Variants in PITPNM2 observed in about 807,000 individuals in gnomAD.
PITPNM2 encodes the protein membrane-associated phosphatidylinositol transfer protein 2.
Under a neutral mutation model 132.2 loss-of-function variants are expected in PITPNM2, and 35 were observed. The ratio of observed to expected loss-of-function variants is 0.26; its 90% confidence interval spans 0.20 to 0.35. The LOEUF (loss-of-function observed/expected upper bound fraction) is 0.35, where lower values mean the gene tolerates loss of function less well. Among genes scored for constraint, PITPNM2 ranks in the 10% least tolerant of loss-of-function variants. The probability of loss-of-function intolerance (pLI) is 1.00; values close to 1 mark genes in which losing one functional copy is unlikely to be tolerated. For missense variants in PITPNM2, 1,332 were observed against 1,912.0 expected, an observed-to-expected ratio of 0.70 and a Z score of 5.66; for synonymous variants, 738 against 799.2, an observed-to-expected ratio of 0.92 and a Z score of 1.29.
At chr12:123,059,682 A>G (rs2041169122) in intron 2 of PITPNM2, among the ~76,000 whole-genome samples, 1 of 152,222 alleles carries the variant, frequency 6.6e-6, no homozygotes, top group Non-Finnish European at 1.5e-5. Flanking sequence ...CTTGTAGCAC[A>G]GCAGGGACAA....
At position 122,996,754 on chromosome 12, in the gene PITPNM2, G is replaced by C; in HGVS notation, c.1629C>G (p.Ile543Met). ...QRANLAYGDFIKSQEGMTFNG... is the reference protein window; with the variant it reads ...QRANLAYGDFMKSQEGMTFNG... ...TGAAGGTCATGCCCTCCTGGGACTT[G>C]ATGAAGTCCCCATAGGCAAGGTTGG... The change falls in exon 12 of 26, where the codon ATC becomes ATG. Residue 543 changes from isoleucine (I) to methionine (M), a missense_variant. Coordinates refer to ENST00000320201, the MANE Select transcript of PITPNM2 (RefSeq NM_020845.3). The C allele has an allele frequency of 1.2e-6, 2 of 1,612,220 alleles. No individual in the cohort carries two copies. The highest frequency in any genetic ancestry group is 1.7e-6 in the Non-Finnish European group (2 of 1,179,544).
chr12:123,070,355 G>A (rs940070812), intron 2 of PITPNM2, among the ~76,000 whole-genome samples: 1 of 152,178 alleles, frequency 6.6e-6, no homozygotes. Context: ...ATAGTGAAGG[G>A]GTTTGAGCTG....
chr12:122,985,968 G>C lies in PITPNM2; in HGVS notation c.*59C>G. 7.5e-7 allele frequency: 1 copy of C among 1,337,602 alleles called. No homozygotes were observed. Among genetic ancestry groups the C allele is most frequent in the East Asian group, 3.1e-5 (1 of 32,126 alleles). The allele number at this position is 1,337,602 out of a possible 1,614,324, so 82.9% of individuals were successfully genotyped here. ...TGCGTGTGCCCAGGCCAGGCCTCCT[G>C]GCGGGGCTGGCCACCCTGGCCTAGC... On this transcript the variant is annotated 3_prime_UTR_variant, in exon 26 of 26. Transcript: ENST00000320201.
At chr12:123,007,803 T>C (rs532342393) in intron 6 of PITPNM2, among the ~76,000 whole-genome samples, 332 of 152,206 alleles carry the variant, frequency 2.2e-3, no homozygotes, top group African/African-American at 7.7e-3. Context: ...CCGGAAGGGC[T>C]GGGACATGCA....
At chr12:123,141,816 C>A (rs2043512755) in intron 1 of PITPNM2, among the ~76,000 whole-genome samples, 1 of 152,158 alleles carries the variant, frequency 6.6e-6, no homozygotes, top group African/African-American at 2.4e-5. Context: ...ACACCCCACA[C>A]CCAGCCCTGT....
At position 123,077,823 on chromosome 12, in the gene PITPNM2, TG is replaced by T. The variant is rs941522720; in HGVS notation, c.-96+32561del. 9.9e-5 allele frequency among the ~76,000 whole-genome samples: 15 copies of T among 151,418 alleles called. No homozygotes were observed. The South Asian group carries it at 2.7e-3, about 28-fold the overall frequency. On this transcript the variant is annotated intron_variant, in intron 2 of 25. Transcript: ENST00000320201. The surrounding 1 kb of genome is among the most constrained non-coding windows in gnomAD (Gnocchi z 4.8). ...TAGGAAGCCAATGTGAGGGAAGGGG[TG>T]GGGGGACAAAGTATCAGAGCCAGGA...
rs117223325 is a variant in PITPNM2 at position 123,108,748 on chromosome 12, G to A, written c.-96+1637C>T. On this transcript the variant is annotated intron_variant, in intron 2 of 25. Transcript: ENST00000320201. The surrounding 1 kb of genome is among the most constrained non-coding windows in gnomAD (Gnocchi z 4.4). ...GCAATTAGAGAAGATAACAGTCCAC[G>A]GTGCCAGCCTGGAACTACGGAGCCA... 2.4e-4 allele frequency among the ~76,000 whole-genome samples: 37 copies of A among 152,262 alleles called. No individual in the cohort carries two copies. The highest frequency in any genetic ancestry group is 4.3e-4 in the Non-Finnish European group (29 of 68,014).
chr12:123,054,940 T>C (rs1231080822), intron 2 of PITPNM2, among the ~76,000 whole-genome samples: 1 of 152,090 alleles, frequency 6.6e-6, no homozygotes, highest in African/African-American at 2.4e-5. Context: ...GGGATACGCT[T>C]GTAGTTCCAG....
rs1210211293 is a variant in PITPNM2, at chr12:123,012,830, G to A, written c.294-96C>T. 41 of 1,511,152 alleles carry A rather than the reference G, an allele frequency of 2.7e-5. 2 individuals are homozygous for A. In the South Asian group the frequency reaches 4.8e-4, roughly 18 times the overall value. The allele number at this position is 1,511,152 out of a possible 1,614,324, so 93.6% of individuals were successfully genotyped here. A position where few individuals can be genotyped will look rare whatever the true frequency, so the allele number is the denominator to read the frequency against. On this transcript the variant is annotated intron_variant, in intron 4 of 25. Coordinates refer to ENST00000320201, the MANE Select transcript of PITPNM2 (RefSeq NM_020845.3). ...GACCCACTGGGTAGGAGTGGAGCTG[G>A]TGAGCGGGCATGGAAGGAGGGTGGA...
chr12:123,004,685 CCT>C lies in PITPNM2; in HGVS notation c.953-198_953-197del. 6.4e-6 allele frequency: 4 copies of C among 620,622 alleles called. No homozygotes were observed. In the South Asian group the frequency reaches 7.3e-5, roughly 11 times the overall value. 38.4% of individuals were successfully genotyped at this position (620,622 alleles called of 1,614,324 possible). ...GCGGCCTAGGCTCATCTCCTGTCCG[CCT>C]GGCACAAGGCAGTCATGTCCCGGGG... On this transcript the variant is annotated intron_variant, in intron 7 of 25. Coordinates refer to ENST00000320201, the MANE Select transcript of PITPNM2 (RefSeq NM_020845.3). This position sits in a 1 kb window ranked among gnomAD's most constrained non-coding sequence, Gnocchi z 4.9.
rs2042381842 is a variant in PITPNM2 at position 123,095,479 on chromosome 12, T to C, written c.-96+14906A>G. Among the ~76,000 whole-genome samples, 1 of 152,190 alleles carries C rather than the reference T, an allele frequency of 6.6e-6. No homozygotes were observed. The highest frequency in any genetic ancestry group is 2.1e-4 in the South Asian group (1 of 4,830). ...CTTTCAGGTACTCAACAAAGCAAGA[T>C]GTCGTGATGTTGCCACCAGCCTGCC... On this transcript the variant is annotated intron_variant, in intron 2 of 25. Coordinates refer to ENST00000320201, the MANE Select transcript of PITPNM2 (RefSeq NM_020845.3). This position sits in a 1 kb window ranked among gnomAD's most constrained non-coding sequence, Gnocchi z 5.0.
At chr12:122,987,034 C>T (rs1438045928) in intron 23 of PITPNM2, among the ~76,000 whole-genome samples, 1 of 152,266 alleles carries the variant, frequency 6.6e-6, no homozygotes, top group Non-Finnish European at 1.5e-5. Flanking sequence ...CTGCTGTGTC[C>T]CTGGCTTACC....
chr12:123,022,362 G>A lies in PITPNM2; in HGVS notation c.79-8320C>T, dbSNP rs764920810. ...CAAGACCGCTCGGAAGACCCACAGA[G>A]CATCAGACACCAGCGCTCCTCGTGC... is the stretch of plus-strand genomic sequence containing the variant. On this transcript the variant is annotated intron_variant, in intron 3 of 25. Transcript: ENST00000320201. The surrounding 1 kb of genome is among the most constrained non-coding windows in gnomAD (Gnocchi z 4.9). Among the ~76,000 whole-genome samples the A allele has an allele frequency of 9.2e-5, 14 of 152,242 alleles. No homozygotes were observed. Among genetic ancestry groups the A allele is most frequent in the East Asian group, 1.9e-4 (1 of 5,184 alleles).
At position 123,097,016 on chromosome 12, in the gene PITPNM2, T is replaced by A. The variant is rs1254822992; in HGVS notation, c.-96+13369A>T. On this transcript the variant is annotated intron_variant, in intron 2 of 25. Coordinates refer to ENST00000320201, the MANE Select transcript of PITPNM2 (RefSeq NM_020845.3). The surrounding 1 kb of genome is among the most constrained non-coding windows in gnomAD (Gnocchi z 4.7). ...GGCCACCCTGCCATCTCTCTTTATT[T>A]TTATTATTATTTATTTATTTATTTA... is the stretch of plus-strand genomic sequence containing the variant. Among the ~76,000 whole-genome samples, 2 of 151,938 alleles carry A rather than the reference T, an allele frequency of 1.3e-5. No homozygotes were observed. The highest frequency in any genetic ancestry group is 2.9e-5 in the Non-Finnish European group (2 of 67,986).
chr12:123,100,496 G>A (rs1464364259), intron 2 of PITPNM2, among the ~76,000 whole-genome samples: 1 of 152,102 alleles, frequency 6.6e-6, no homozygotes, highest in Non-Finnish European at 1.5e-5. Context: ...CGTGGTAGTG[G>A]ACGTCTATAA....
intron 2 of PITPNM2, among the ~76,000 whole-genome samples, chr12:123,093,905 C>G (rs970846243): frequency 1.3e-5 from 2 of 152,218 alleles, no homozygotes; most frequent in Non-Finnish European, 2.9e-5. Context: ...CCAGAACCCC[C>G]TGGGCAGAGG....
chr12:122,993,774 G>A lies in PITPNM2; in HGVS notation c.2233+1027C>T, dbSNP rs1340209286. 6.6e-6 allele frequency among the ~76,000 whole-genome samples: 1 copy of A among 152,226 alleles called. No homozygotes were observed. Among genetic ancestry groups the A allele is most frequent in the East Asian group, 1.9e-4 (1 of 5,202 alleles). On this transcript the variant is annotated intron_variant, in intron 15 of 25. Coordinates refer to ENST00000320201, the MANE Select transcript of PITPNM2 (RefSeq NM_020845.3). The surrounding 1 kb of genome is among the most constrained non-coding windows in gnomAD (Gnocchi z 5.2). Reference sequence around the variant, plus strand: ...CCATGGGGCTGCCTTGGTTGTTGGGGTCCCCTTAAAGCTACCCATTTCTCT... The same window carrying A: ...CCATGGGGCTGCCTTGGTTGTTGGGATCCCCTTAAAGCTACCCATTTCTCT...
chr12:123,035,225 C>A (rs2040225949), intron 2 of PITPNM2, among the ~76,000 whole-genome samples: 1 of 152,202 alleles, frequency 6.6e-6, no homozygotes, highest in Non-Finnish European at 1.5e-5. Flanking sequence ...CAATAAGAAA[C>A]ATTTATTGGC....
At chr12:123,049,221 G>A (rs2040779308) in intron 2 of PITPNM2, among the ~76,000 whole-genome samples, 1 of 152,170 alleles carries the variant, frequency 6.6e-6, no homozygotes, top group African/African-American at 2.4e-5. Flanking sequence ...TGCTGCCTGA[G>A]GGTTCCATAA....
Sources: allele counts gnomAD v4.1 joint callset (sites outside exome capture counted in the v4.1 genomes callset), GRCh38; gene constraint gnomAD v4.1.1; non-coding constraint Gnocchi (gnomAD v3.1); transcripts MANE v1.5; gene names NCBI Gene and HGNC (gene_info 2026-07-23, HGNC 2026-07-21).